The following LCK variants were observed in gnomAD, a reference collection of about 807,000 sequenced individuals.
LCK encodes the protein tyrosine-protein kinase Lck.
A neutral mutation model predicts 64.6 loss-of-function variants in LCK; 14 were observed. That is an observed-to-expected ratio of 0.22 (90% CI 0.14 to 0.34). The LOEUF (loss-of-function observed/expected upper bound fraction) is 0.34. Ranked by LOEUF, LCK falls within the 10% of genes least tolerant of loss-of-function variation. The probability of loss-of-function intolerance (pLI) is 1.00; values close to 1 mark genes in which losing one functional copy is unlikely to be tolerated. For synonymous variants in LCK, 277 were observed against 263.6 expected, an observed-to-expected ratio of 1.05 and a Z score of -0.49; for missense variants, 434 against 668.1, an observed-to-expected ratio of 0.65 and a Z score of 3.86.
At chr1:32,259,670 C>T (rs936514549) in intron 1 of LCK, among the ~76,000 whole-genome samples, 20 of 150,698 alleles carry the variant, frequency 1.3e-4, no homozygotes, top group African/African-American at 1.7e-4. Flanking sequence ...AATAGCCAGG[C>T]GTGGTGGCAC....
Position 32,276,908 on chromosome 1 carries a change from C to T in LCK, c.964+122C>T, listed in dbSNP as rs1640291676. ...AGCAAGGAGGGTTTCTTGAGCTTTC[C>T]TGCCCCCTGGAGACTCACCTCCAGC... On this transcript the variant is annotated intron_variant, in intron 9 of 12. Coordinates refer to ENST00000336890, the MANE Select transcript of LCK (RefSeq NM_005356.5). The surrounding 1 kb of genome is among the most constrained non-coding windows in gnomAD (Gnocchi z 4.6). The T allele has an allele frequency of 1.5e-5, 16 of 1,099,412 alleles. No individual in the cohort carries two copies. The Admixed American group carries it at 4.0e-4, about 27-fold the overall frequency. 68.1% of individuals were successfully genotyped at this position (1,099,412 alleles called of 1,614,324 possible).
chr1:32,276,846 G>A lies in LCK; in HGVS notation c.964+60G>A. 1 of 1,458,512 alleles carries A rather than the reference G, an allele frequency of 6.9e-7. No homozygotes were observed. Among genetic ancestry groups the A allele is most frequent in the Non-Finnish European group, 9.2e-7 (1 of 1,088,816 alleles). 90.3% of individuals were successfully genotyped at this position (1,458,512 alleles called of 1,614,324 possible). A position where few individuals can be genotyped will look rare whatever the true frequency, so the allele number is the denominator to read the frequency against. On this transcript the variant is annotated intron_variant, in intron 9 of 12. Coordinates refer to ENST00000336890, the MANE Select transcript of LCK (RefSeq NM_005356.5). This position sits in a 1 kb window ranked among gnomAD's most constrained non-coding sequence, Gnocchi z 4.6. ...TGCTCTCCCTGCTGTCCCTGCCAGA[G>A]GGTGGAAATACACCTTTTCTTCTGG...
Position 32,274,823 on chromosome 1 carries a change from C to T in LCK, c.187+5C>T, listed in dbSNP as rs376521511. ...CGCCGGCTTCCCCACTGCAAGGTGACCCCAGGCAGCAGGGCCTGAAAGACA... is the reference window on the plus strand; with the variant it reads ...CGCCGGCTTCCCCACTGCAAGGTGATCCCAGGCAGCAGGGCCTGAAAGACA... On this transcript the variant is annotated splice_donor_5th_base_variant and intron_variant, in intron 3 of 12. Coordinates refer to ENST00000336890, the MANE Select transcript of LCK (RefSeq NM_005356.5). The T allele has an allele frequency of 4.3e-6, 7 of 1,614,054 alleles. No homozygotes were observed. The African/African-American group carries it at 9.3e-5, about 22-fold the overall frequency.
At chr1:32,254,112 A>G (rs1639573679) in intron 1 of LCK, among the ~76,000 whole-genome samples, 2 of 152,144 alleles carry the variant, frequency 1.3e-5, no homozygotes, top group Admixed American at 1.3e-4. Context: ...GCCTCTCACA[A>G]TCAACCTCAG....
In LCK at chr1:32,276,107, TCC is replaced by T; in HGVS notation, c.631+47_631+48del. 1 of 1,601,570 alleles carries T rather than the reference TCC, an allele frequency of 6.2e-7. No individual in the cohort carries two copies. Among genetic ancestry groups the T allele is most frequent in the South Asian group, 1.1e-5 (1 of 90,570 alleles). Reference sequence around the variant, plus strand: ...CTCCCCCGTGCCCTATCAGCCTATCTCCCCTCAGTCCCCCTCAGGTGTCCCCC... The same window carrying T: ...CTCCCCCGTGCCCTATCAGCCTATCTCCTCAGTCCCCCTCAGGTGTCCCCC... On this transcript the variant is annotated intron_variant, in intron 7 of 12. Transcript: ENST00000336890. The surrounding 1 kb of genome is among the most constrained non-coding windows in gnomAD (Gnocchi z 4.6).
intron 1 of LCK, among the ~76,000 whole-genome samples, chr1:32,255,613 A>G (rs1038525259): frequency 1.4e-4 from 22 of 152,056 alleles, no homozygotes; most frequent in Non-Finnish European, 3.1e-4. Flanking sequence ...GCAGTCACAG[A>G]TATTATTGAT....
At chr1:32,265,124 A>G (rs1639876395) in intron 1 of LCK, among the ~76,000 whole-genome samples, 1 of 151,920 alleles carries the variant, frequency 6.6e-6, no homozygotes, top group East Asian at 1.9e-4. Flanking sequence ...CGGAGGTTGC[A>G]GTGAGCCAAG....
rs1191006285 is a variant in LCK, at chr1:32,275,781, C to A, written c.481+109C>A. 1.1e-5 allele frequency: 14 copies of A among 1,331,542 alleles called. No homozygotes were observed. The East Asian group carries it at 3.3e-4, about 31-fold the overall frequency. The allele number at this position is 1,331,542 out of a possible 1,614,324, so 82.5% of individuals were successfully genotyped here. ...ACACGGGGTGAGTCGGAGGGGGACG[C>A]GGGATGAGCCCGAGGTGGGGGCGCG... On this transcript the variant is annotated intron_variant, in intron 6 of 12. Coordinates refer to ENST00000336890, the MANE Select transcript of LCK (RefSeq NM_005356.5). The surrounding 1 kb of genome is among the most constrained non-coding windows in gnomAD (Gnocchi z 6.9).
intron 9 of LCK, 90 bp from the exon 10 acceptor site, chr1:32,279,581 A>T: frequency 6.2e-7 from 1 of 1,600,930 alleles, no homozygotes; most frequent in Non-Finnish European, 8.5e-7. Flanking sequence ...CACATGTCAG[A>T]CACACTTCTA....
intron 2 of LCK, 34 bp from the exon 3 acceptor site, chr1:32,274,703 C>A: frequency 6.6e-7 from 1 of 1,517,534 alleles, no homozygotes; most frequent in Non-Finnish European, 9.0e-7. Flanking sequence ...CAATCTTCTG[C>A]TTTCTGACCC....
rs376966563 is a variant in LCK, at chr1:32,285,498, A to G, written c.1328-16A>G. On this transcript the variant is annotated splice_polypyrimidine_tract_variant and intron_variant, in intron 12 of 12. Transcript: ENST00000336890. ...CAGTGCCTGACCTTGATGTCCTTTC[A>G]CCCATCAACCCGTAGGGATGACCAA... 1.9e-6 allele frequency: 3 copies of G among 1,609,834 alleles called. No individual in the cohort carries two copies. In the African/African-American group the frequency reaches 4.0e-5, roughly 22 times the overall value.
rs1434128895 is a variant in LCK at position 32,275,930 on chromosome 1, G to A, written c.498G>A (p.Ser166=). The A allele has an allele frequency of 6.2e-7, 1 of 1,614,112 alleles. No homozygotes were observed. Among genetic ancestry groups the A allele is most frequent in the Non-Finnish European group, 8.5e-7 (1 of 1,180,010 alleles). ...SESTAGSFSL[S]VRDFDQNQGE... ...TTCATTCAGGATCGTTTTCACTGTC[G>A]GTCCGGGACTTCGACCAGAACCAGG... is the stretch of plus-strand genomic sequence containing the variant. The change falls in exon 7 of 13, where the codon TCG becomes TCA. Residue 166 remains serine (S), a synonymous_variant. Transcript: ENST00000336890. This position sits in a 1 kb window ranked among gnomAD's most constrained non-coding sequence, Gnocchi z 6.9.
rs1010269639 is a variant in LCK at position 32,279,501 on chromosome 1, C to G, written c.965-170C>G. 12 of 1,349,462 alleles carry G rather than the reference C, an allele frequency of 8.9e-6. No homozygotes were observed. In the Admixed American group the frequency reaches 2.7e-4, roughly 31 times the overall value. 83.6% of individuals were successfully genotyped at this position (1,349,462 alleles called of 1,614,324 possible). On this transcript the variant is annotated intron_variant, in intron 9 of 12. Transcript: ENST00000336890. ...CTACCCTAGCCCCTCTGCAAAAAAA[C>G]CTTTACATATCCTGGGCATCCTTAC... is the stretch of plus-strand genomic sequence containing the variant.
intron 1 of LCK, among the ~76,000 whole-genome samples, chr1:32,255,248 T>C (rs1639601815): frequency 6.6e-6 from 1 of 152,226 alleles, no homozygotes; most frequent in African/African-American, 2.4e-5. Context: ...CAAATCATTT[T>C]ACCTGGTTTG....
intron 1 of LCK, among the ~76,000 whole-genome samples, chr1:32,264,143 C>T (rs190227644): frequency 7.3e-4 from 111 of 152,268 alleles, no homozygotes; most frequent in African/African-American, 2.6e-3. Context: ...TTGCATTCAA[C>T]AGGCAGGTAA....
chr1:32,285,524 C>T lies in LCK; in HGVS notation c.1338C>T (p.Asn446=). The change falls in exon 13 of 13, where the codon AAC becomes AAT. Residue 446 remains asparagine, a synonymous_variant. Transcript: ENST00000336890. ...HGRIPYPGMT[N]PEVIQNLERG... Reference sequence around the variant, plus strand: ...CCCATCAACCCGTAGGGATGACCAACCCGGAGGTGATTCAGAACCTGGAGC... The same window carrying T: ...CCCATCAACCCGTAGGGATGACCAATCCGGAGGTGATTCAGAACCTGGAGC... 1.2e-6 allele frequency: 2 copies of T among 1,614,184 alleles called. No individual in the cohort carries two copies. The highest frequency in any genetic ancestry group is 1.7e-6 in the Non-Finnish European group (2 of 1,180,012).
Position 32,285,904 on chromosome 1 carries a change from C to T in LCK, c.*188C>T, listed in dbSNP as rs1264845597. On this transcript the variant is annotated 3_prime_UTR_variant, in exon 13 of 13. Coordinates refer to ENST00000336890, the MANE Select transcript of LCK (RefSeq NM_005356.5). ...GTAGTTGCGTGGACTCTGCACATGT[C>T]TTGTACATGTGTAGCCTGTGCATGT... The T allele has an allele frequency of 4.8e-6, 3 of 630,054 alleles. No homozygotes were observed. Among genetic ancestry groups the T allele is most frequent in the African/African-American group, 1.8e-5 (1 of 54,798 alleles). The allele number at this position is 630,054 out of a possible 1,614,324, so 39.0% of individuals were successfully genotyped here.
intron 1 of LCK, among the ~76,000 whole-genome samples, chr1:32,257,121 C>T (rs187676576): frequency 6.6e-6 from 1 of 152,232 alleles, no homozygotes; most frequent in African/African-American, 2.4e-5. Context: ...ATAATGCTCA[C>T]CACAGCCAGC....
intron 12 of LCK, among the ~76,000 whole-genome samples, chr1:32,282,831 A>T (rs995801640): frequency 1.3e-5 from 2 of 151,930 alleles, no homozygotes; most frequent in African/African-American, 4.8e-5. Context: ...TAAATTAAAT[A>T]AATAAATTAA....
Sources: gnomAD v4.1 joint callset for allele counts (sites outside exome capture counted in the v4.1 genomes callset) on GRCh38, gnomAD v4.1.1 for gene constraint, Gnocchi (gnomAD v3.1) non-coding constraint, MANE v1.5 for transcripts, NCBI Gene and HGNC (gene_info 2026-07-23, HGNC 2026-07-21) for gene names.